ZRANB2: variants seen among roughly 807,000 people sequenced by gnomAD.
ZRANB2 encodes zinc finger RANBP2-type containing 2, also known as zinc finger Ran-binding domain-containing protein 2.
In ZRANB2, 19 loss-of-function variants were observed where a neutral mutation model predicts 53.4. The observed-to-expected ratio is 0.36, with a 90% CI of 0.25 to 0.52. The LOEUF is 0.52. Ranked by LOEUF, ZRANB2 falls within the 20% of genes least tolerant of loss-of-function variation. ZRANB2 has a pLI of 0.93. For missense variants in ZRANB2, 309 were observed against 401.1 expected, an observed-to-expected ratio of 0.77 and a Z score of 1.96; for synonymous variants, 145 against 134.8, an observed-to-expected ratio of 1.08 and a Z score of -0.52.
intron 4 of ZRANB2, among the ~76,000 whole-genome samples, chr1:71,074,713 G>A (rs1661669714): frequency 6.6e-6 from 1 of 150,724 alleles, no homozygotes; most frequent in South Asian, 2.1e-4. Flanking sequence ...CTGAAACAGA[G>A]AAGTAAATTA....
chr1:71,072,686 G>C lies in ZRANB2; in HGVS notation c.302-138C>G, dbSNP rs111826061. ...CCATCTAATAAATTACTAGTCTTTA[G>C]AAAGCATATTAGAAATCACCACAGA... is the stretch of plus-strand genomic sequence containing the variant. On this transcript the variant is annotated intron_variant, in intron 4 of 9. Transcript: ENST00000370920. 6.4e-5 allele frequency: 39 copies of C among 608,874 alleles called. No individual in the cohort carries two copies. In the African/African-American group the frequency reaches 6.7e-4, roughly 11 times the overall value. The allele number at this position is 608,874 out of a possible 1,614,324, so 37.7% of individuals were successfully genotyped here. A position where few individuals can be genotyped will look rare whatever the true frequency, so the allele number is the denominator to read the frequency against.
rs200237539 is a variant in ZRANB2, at chr1:71,066,890, C to A, written c.815G>T (p.Arg272Ile). 23 of 1,603,358 alleles carry A rather than the reference C, an allele frequency of 1.4e-5. No individual in the cohort carries two copies. The highest frequency in any genetic ancestry group is 1.7e-5 in the Non-Finnish European group (20 of 1,175,468). ...SHRGSSSPRK[R>I]SYSSSSSSPE... Reference sequence around the variant, plus strand: ...AGAAGATGATGAACTTGAATAAGATCTTTTTCGTGGGGAAGAAGAGCCCCT... The same window carrying A: ...AGAAGATGATGAACTTGAATAAGATATTTTTCGTGGGGAAGAAGAGCCCCT... The change falls in exon 9 of 10, where the codon AGA becomes ATA. Residue 272 changes from arginine (R) to isoleucine (I), a missense_variant. By Grantham distance (97) the Arg-to-Ile change is moderately conservative (BLOSUM62 -3). Transcript: ENST00000370920.
intron 4 of ZRANB2, among the ~76,000 whole-genome samples, chr1:71,076,171 A>T (rs986063276): frequency 5.9e-5 from 9 of 152,222 alleles, no homozygotes; most frequent in African/African-American, 9.6e-5. Flanking sequence ...TGGTTGGGCT[A>T]ATTGGTGATA....
In ZRANB2 at chr1:71,078,856, A is replaced by G. The variant is rs1661769832; in HGVS notation, c.57-148T>C. 5.8e-6 allele frequency: 4 copies of G among 691,998 alleles called. No individual in the cohort carries two copies. In the Admixed American group the frequency reaches 1.2e-4, roughly 20 times the overall value. The allele number at this position is 691,998 out of a possible 1,614,324, so 42.9% of individuals were successfully genotyped here. ...TGTTACCAACAAAAAACTCCACACA[A>G]TTTACTGGGGGAAAAATACTTGATT... On this transcript the variant is annotated intron_variant, in intron 1 of 9. Transcript: ENST00000370920.
At chr1:71,065,650 C>A in intron 9 of ZRANB2, 1 of 1,596,070 alleles carries the variant, frequency 6.3e-7, no homozygotes, top group Non-Finnish European at 8.5e-7. Flanking sequence ...TATATTCATG[C>A]AGCTAGTATG....
At chr1:71,070,157 T>C (rs368768452) in intron 7 of ZRANB2, among the ~76,000 whole-genome samples, 1 of 152,146 alleles carries the variant, frequency 6.6e-6, no homozygotes, top group Non-Finnish European at 1.5e-5. Context: ...ATGCCATCAC[T>C]TAACTGTGAT....
intron 8 of ZRANB2, chr1:71,067,846 A>G: frequency 3.1e-6 from 1 of 319,054 alleles, no homozygotes; most frequent in Non-Finnish European, 6.2e-6. Flanking sequence ...AAATAATGGT[A>G]ACAATAAAAA....
chr1:71,066,642 T>C lies in ZRANB2; in HGVS notation c.929+134A>G, dbSNP rs952175387. The C allele has an allele frequency of 8.3e-6, 7 of 847,322 alleles. No individual in the cohort carries two copies. The Admixed American group carries it at 1.3e-4, about 15-fold the overall frequency. 52.5% of individuals were successfully genotyped at this position (847,322 alleles called of 1,614,324 possible). The stretch of plus-strand genomic sequence containing the variant: ...AAAGGATAAGCAAAGTAATGTTTTT[T>C]TGAAGTTCAAAGTTGAAAAGTAGAA... On this transcript the variant is annotated intron_variant, in intron 9 of 9. Coordinates refer to ENST00000370920, the MANE Select transcript of ZRANB2 (RefSeq NM_203350.3).
At chr1:71,076,159 T>C (rs1183830767) in intron 4 of ZRANB2, among the ~76,000 whole-genome samples, 1 of 152,114 alleles carries the variant, frequency 6.6e-6, no homozygotes, top group Non-Finnish European at 1.5e-5. Flanking sequence ...AAACAGATAA[T>C]GTGGTTGGGC....
At chr1:71,076,010 A>G (rs1661702785) in intron 4 of ZRANB2, among the ~76,000 whole-genome samples, 1 of 152,140 alleles carries the variant, frequency 6.6e-6, no homozygotes, top group South Asian at 2.1e-4. Context: ...CAGACAATGA[A>G]AACGGCCTAA....
intron 6 of ZRANB2, among the ~76,000 whole-genome samples, chr1:71,071,438 A>C (rs555870180): frequency 1.8e-4 from 27 of 152,196 alleles, no homozygotes; most frequent in Admixed American, 1.6e-3. Flanking sequence ...AGATAAACAC[A>C]TCTCACTTTT....
At position 71,065,111 on chromosome 1, in the gene ZRANB2, G is replaced by A; in HGVS notation, c.956C>T (p.Ser319Phe). Residue 319 changes from serine (S) to phenylalanine (F), a missense_variant, in exon 10 of 10, where the codon TCC becomes TTC. Ser to Phe is a radical substitution (Grantham distance 155). Around this residue, in one of 3 missense-constraint regions of ZRANB2, gnomAD observed 211 missense variants for 196.1 expected, o/e 1.08. Transcript: ENST00000370920. ...ERRHRSSSGS[S>F]HSGSRSSSKK... ...TGAACTTGAACGGGAACCAGAATGG[G>A]ATGATCCAGATGATGACCTGTGGCG... The A allele has an allele frequency of 1.9e-6, 3 of 1,611,582 alleles. No homozygotes were observed. The highest frequency in any genetic ancestry group is 2.5e-6 in the Non-Finnish European group (3 of 1,178,452).
chr1:71,069,254 A>G, intron 8 of ZRANB2, 22 bp downstream of exon 8: 1 of 1,590,160 alleles, frequency 6.3e-7, no homozygotes. Context: ...TCTGCTTTAC[A>G]GAGAGATGCT....
intron 8 of ZRANB2, 24 bp downstream of exon 8, chr1:71,069,252 A>T (rs781286232): frequency 6.3e-7 from 1 of 1,576,522 alleles, no homozygotes; most frequent in Admixed American, 1.7e-5. Flanking sequence ...TCTCTGCTTT[A>T]CAGAGAGATG....
At chr1:71,080,308 C>T (rs984123708) in intron 1 of ZRANB2, among the ~76,000 whole-genome samples, 4 of 152,082 alleles carry the variant, frequency 2.6e-5, no homozygotes, top group African/African-American at 9.7e-5. Flanking sequence ...CTGCAGGCAT[C>T]TTAAGGGCTG....
At chr1:71,079,899 A>G (rs1661798783) in intron 1 of ZRANB2, among the ~76,000 whole-genome samples, 1 of 152,150 alleles carries the variant, frequency 6.6e-6, no homozygotes, top group Non-Finnish European at 1.5e-5. Flanking sequence ...CTACTCCTTC[A>G]GGTCATCTTA....
Position 71,078,584 on chromosome 1 carries a change from T to A in ZRANB2, c.110-19A>T. 1 of 1,612,712 alleles carries A rather than the reference T, an allele frequency of 6.2e-7. No individual in the cohort carries two copies. Among genetic ancestry groups the A allele is most frequent in the Non-Finnish European group, 8.5e-7 (1 of 1,178,906 alleles). On this transcript the variant is annotated intron_variant, in intron 2 of 9. Transcript: ENST00000370920. ...GTTTTCTCTGAAAACAGAAAAATCA[T>A]GCAATATGAACCTGGAGAAATAAAT...
chr1:71,079,279 G>GA (rs1266652473), intron 1 of ZRANB2, among the ~76,000 whole-genome samples: 1 of 152,062 alleles, frequency 6.6e-6, no homozygotes, highest in African/African-American at 2.4e-5. Context: ...AGACTTCGCT[G>GA]AAAAAAATGA....
intron 1 of ZRANB2, among the ~76,000 whole-genome samples, 200 bp from the exon 2 acceptor site, chr1:71,078,908 C>T (rs1661770896): frequency 1.3e-5 from 2 of 152,116 alleles, no homozygotes; most frequent in South Asian, 4.1e-4. Context: ...AATAAGATAT[C>T]CCAATCCTCC....
Sources: allele counts gnomAD v4.1 joint callset (sites outside exome capture counted in the v4.1 genomes callset), GRCh38; gene constraint gnomAD v4.1.1; regional missense constraint gnomAD v4.1.1; transcripts MANE v1.5; gene names NCBI Gene and HGNC (gene_info 2026-07-23, HGNC 2026-07-21).